The following TMLHE variants were observed in gnomAD, a reference collection of about 807,000 sequenced individuals.
TMLHE encodes trimethyllysine dioxygenase, mitochondrial.
TMLHE carries 18 observed loss-of-function variants against 25.7 expected under a neutral mutation model. The observed-to-expected ratio is 0.70, with a 90% confidence interval of 0.48 to 1.04. TMLHE has a LOEUF of 1.04. TMLHE is among the 50% of genes least tolerant of loss of function. TMLHE has a pLI of 0.00. For synonymous variants in TMLHE, 105 were observed against 97.0 expected (o/e 1.08, Z -0.49); for missense variants, 236 against 259.0 (o/e 0.91, Z 0.61).
chrX:155,507,136 T>G lies in TMLHE; in HGVS notation c.759-2A>C. The G allele has an allele frequency of 1.7e-6, 2 of 1,179,034 alleles. No homozygotes were observed. Among genetic ancestry groups the G allele is most frequent in the Non-Finnish European group, 2.3e-6 (2 of 868,171 alleles). On this transcript the variant is annotated splice_acceptor_variant, in intron 5 of 7. Coordinates refer to ENST00000334398, the MANE Select transcript of TMLHE (RefSeq NM_018196.4). LOFTEE classifies it high-confidence loss of function. ...TTAAGACAATGAAACACTTGAATGC[T>G]AAAGAGAGAAAAGAAAATTCTTCTG...
intron 4 of TMLHE, among the ~76,000 whole-genome samples, chrX:155,512,561 T>A (rs978260211): frequency 6.3e-5 from 7 of 111,005 alleles, no homozygotes; most frequent in Non-Finnish European, 1.3e-4. Flanking sequence ...CTTAATCCAG[T>A]CTATCATTGT....
chrX:155,526,349 G>T, intron 2 of TMLHE, among the ~76,000 whole-genome samples: 1 of 112,927 alleles, frequency 8.9e-6, no homozygotes, highest in Non-Finnish European at 1.9e-5. Flanking sequence ...GCCCCAAGTG[G>T]TGGCTTCCAT....
intron 5 of TMLHE, 129 bp downstream of exon 5, chrX:155,511,544 G>T: frequency 1.5e-6 from 1 of 649,497 alleles, no homozygotes; most frequent in Non-Finnish European, 2.2e-6. Flanking sequence ...GTTTCTAGGG[G>T]AAGAGAAAGT....
At chrX:155,524,226 CCTGT>C (rs1398062015) in intron 3 of TMLHE, 1 of 280,750 alleles carries the variant, frequency 3.6e-6, no homozygotes, top group African/African-American at 2.8e-5. Context: ...TGCCATGTTC[CCTGT>C]CTTAGAGGGA....
At chrX:155,575,532 G>A (rs782307220) in intron 1 of TMLHE, among the ~76,000 whole-genome samples, 1 of 111,536 alleles carries the variant, frequency 9.0e-6, no homozygotes, top group Non-Finnish European at 1.9e-5. Context: ...TAAACACAAA[G>A]AAATCTACAT....
chrX:155,586,347 C>T (rs782042034), intron 1 of TMLHE, among the ~76,000 whole-genome samples: 10 of 110,916 alleles, frequency 9.0e-5, no homozygotes, highest in South Asian at 7.4e-4. Context: ...ACAACACATA[C>T]GCAAAAGTAC....
At chrX:155,510,935 T>C (rs373813291) in intron 5 of TMLHE, among the ~76,000 whole-genome samples, 289 of 109,025 alleles carry the variant, frequency 2.7e-3, no homozygotes, top group African/African-American at 8.8e-3. Context: ...TTTTAATGAT[T>C]GCCATTCTAA....
intron 1 of TMLHE, among the ~76,000 whole-genome samples, chrX:155,604,896 G>C (rs1168325556): frequency 8.9e-6 from 1 of 112,015 alleles, no homozygotes; most frequent in Non-Finnish European, 1.9e-5. Context: ...ACAATGTCCA[G>C]AAATGAGGTC....
intron 2 of TMLHE, among the ~76,000 whole-genome samples, chrX:155,541,253 T>C (rs1392338273): frequency 9.0e-6 from 1 of 110,765 alleles, no homozygotes; most frequent in African/African-American, 3.3e-5. Context: ...TGTCCATGTG[T>C]CCTCATTGTT....
intron 6 of TMLHE, among the ~76,000 whole-genome samples, chrX:155,505,311 C>T (rs1440863857): frequency 9.0e-6 from 1 of 111,524 alleles, no homozygotes; most frequent in East Asian, 2.8e-4. Flanking sequence ...AGAGTTACTA[C>T]TCATTGTTTT....
At position 155,560,559 on chromosome X, in the gene TMLHE, A is replaced by G. The variant is rs1306517093; in HGVS notation, c.-1-15282T>C. On this transcript the variant is annotated intron_variant, in intron 1 of 7. Coordinates refer to ENST00000334398, the MANE Select transcript of TMLHE (RefSeq NM_018196.4). ...GTCAGGGTAGGCCTCATTAAGAAAG[A>G]TGACATTTGATCAAAGGAGGAGTTA... Among the ~76,000 whole-genome samples, 2 of 35,577 alleles carry G rather than the reference A, an allele frequency of 5.6e-5. 1 individual carries two copies. The highest frequency in any genetic ancestry group is 3.6e-3 in the East Asian group (2 of 550). 30.9% of individuals were successfully genotyped at this position (35,577 alleles called of 115,157 possible). A position where few individuals can be genotyped will look rare whatever the true frequency, so the allele number is the denominator to read the frequency against.
intron 1 of TMLHE, among the ~76,000 whole-genome samples, chrX:155,556,148 C>A (rs782798498): frequency 2.3e-5 from 2 of 87,639 alleles, no homozygotes; most frequent in Middle Eastern, 5.2e-3. Context: ...GGCAGGCAGT[C>A]TCTAGAAGAT....
intron 1 of TMLHE, among the ~76,000 whole-genome samples, chrX:155,558,009 C>T (rs1463770208): frequency 3.6e-5 from 4 of 111,634 alleles, no homozygotes; most frequent in Non-Finnish European, 7.5e-5. Context: ...AAACTTTTTG[C>T]ACATGGTAGG....
At chrX:155,532,476 T>C (rs2067254524) in intron 2 of TMLHE, among the ~76,000 whole-genome samples, 1 of 111,900 alleles carries the variant, frequency 8.9e-6, no homozygotes, top group Admixed American at 9.5e-5. Context: ...ATTTTGTCTG[T>C]GACAGCAGGC....
At chrX:155,605,491 C>A (rs925222773) in intron 1 of TMLHE, among the ~76,000 whole-genome samples, 2 of 112,019 alleles carry the variant, frequency 1.8e-5, no homozygotes, top group Admixed American at 1.9e-4. Flanking sequence ...TCCAGCCAAA[C>A]TAAGCTTCAT....
intron 1 of TMLHE, among the ~76,000 whole-genome samples, chrX:155,582,002 C>G (rs1557344613): frequency 1.8e-5 from 2 of 111,399 alleles, no homozygotes; most frequent in Non-Finnish European, 3.8e-5. Flanking sequence ...CAGAACAGAG[C>G]CCTCAGAAAT....
intron 1 of TMLHE, among the ~76,000 whole-genome samples, chrX:155,548,558 AC>A (rs2067381256): frequency 9.3e-6 from 1 of 107,002 alleles, no homozygotes; most frequent in Non-Finnish European, 1.9e-5. Flanking sequence ...ACATGGTGAA[AC>A]CCTGTCTCTA....
At chrX:155,523,972 G>A (rs2124368119) in intron 3 of TMLHE, among the ~76,000 whole-genome samples, 1 of 112,234 alleles carries the variant, frequency 8.9e-6, no homozygotes, top group African/African-American at 3.2e-5. Context: ...ATAGAAATAT[G>A]ATTGATTTTT....
chrX:155,554,102 GCTCAAGATC>G (rs1174248840), intron 1 of TMLHE, among the ~76,000 whole-genome samples: 5 of 109,580 alleles, frequency 4.6e-5, no homozygotes, highest in Non-Finnish European at 7.6e-5. Context: ...AAACTCCTGG[GCTCAAGATC>G]CTCACCTCAG....
Sources: allele counts gnomAD v4.1 joint callset (sites outside exome capture counted in the v4.1 genomes callset), GRCh38; gene constraint gnomAD v4.1.1; transcripts MANE v1.5; gene names NCBI Gene and HGNC (gene_info 2026-07-23, HGNC 2026-07-21).